Variants in SEMA3A observed in about 807,000 individuals in gnomAD.
SEMA3A encodes semaphorin 3A, also known as semaphorin-3A.
Under a neutral mutation model 97.9 loss-of-function variants are expected in SEMA3A, and 29 were observed. The ratio of observed to expected loss-of-function variants is 0.30; its 90% CI spans 0.22 to 0.40. The LOEUF (loss-of-function observed/expected upper bound fraction) is 0.40, where lower values mean the gene tolerates loss of function less well. SEMA3A is among the 10% of genes least tolerant of loss of function. The probability of loss-of-function intolerance (pLI) is 1.00; values close to 1 mark genes in which losing one functional copy is unlikely to be tolerated. For missense variants in SEMA3A, 763 were observed against 951.3 expected, an observed-to-expected ratio of 0.80 and a Z score of 2.60; for synonymous variants, 321 against 323.7, an observed-to-expected ratio of 0.99 and a Z score of 0.09.
At chr7:84,132,662 GTTTTTTTTTTTTTTT>G (rs55830654) in intron 2 of SEMA3A, among the ~76,000 whole-genome samples, 12 of 86,652 alleles carry the variant, frequency 1.4e-4, no homozygotes, top group South Asian at 9.2e-4. Context: ...TCGACTTGGT[GTTTTTTTTTTTTTTT>G]TTTTTTTTTT....
chr7:84,086,502 T>A (rs62477261), intron 4 of SEMA3A, among the ~76,000 whole-genome samples: 50 of 49,562 alleles, frequency 1.0e-3, no homozygotes, highest in Middle Eastern at 0.013. Context: ...ATATAATATA[T>A]TATTATATTA....
At chr7:84,437,054 A>C (rs993863368) in intron 1 of SEMA3A, among the ~76,000 whole-genome samples, 4 of 152,062 alleles carry the variant, frequency 2.6e-5, no homozygotes, top group African/African-American at 9.7e-5. Flanking sequence ...GCCACCTAAA[A>C]CAGCTTCTCA....
chr7:84,157,271 G>T (rs1357191633), intron 1 of SEMA3A, among the ~76,000 whole-genome samples: 2 of 152,094 alleles, frequency 1.3e-5, no homozygotes, highest in African/African-American at 4.8e-5. Context: ...AACAATGCAG[G>T]TATAACTACT....
At chr7:84,032,024 G>A (rs536379626) in intron 6 of SEMA3A, among the ~76,000 whole-genome samples, 1 of 152,132 alleles carries the variant, frequency 6.6e-6, no homozygotes, top group African/African-American at 2.4e-5. Context: ...GTCAAAAATT[G>A]TTGAATACAT....
intron 1 of SEMA3A, among the ~76,000 whole-genome samples, chr7:84,413,249 TA>T (rs1378119200): frequency 2.0e-5 from 3 of 152,170 alleles, no homozygotes; most frequent in African/African-American, 7.2e-5. Context: ...GAAGGTTTTT[TA>T]ACAATGAAAG....
At chr7:84,141,258 C>T (rs1796283229) in intron 1 of SEMA3A, among the ~76,000 whole-genome samples, 1 of 152,162 alleles carries the variant, frequency 6.6e-6, no homozygotes. Flanking sequence ...CTTACACATC[C>T]TGATCTGTTA....
intron 3 of SEMA3A, among the ~76,000 whole-genome samples, chr7:84,262,335 C>T (rs1799877347): frequency 6.6e-6 from 1 of 152,106 alleles, no homozygotes; most frequent in South Asian, 2.1e-4. Context: ...CTGCATCAGC[C>T]TCTCAAGTAG....
intron 4 of SEMA3A, among the ~76,000 whole-genome samples, chr7:84,066,182 G>A (rs933295149): frequency 1.6e-4 from 24 of 151,936 alleles, no homozygotes; most frequent in Admixed American, 9.2e-4. Context: ...CATGATTATC[G>A]CAATAGATGC....
chr7:84,292,333 T>C (rs1800769007), intron 3 of SEMA3A, among the ~76,000 whole-genome samples: 1 of 152,062 alleles, frequency 6.6e-6, no homozygotes, highest in African/African-American at 2.4e-5. Context: ...CACATGGTTT[T>C]ATTAAGATTT....
At chr7:84,464,604 A>G (rs879248932) in intron 1 of SEMA3A, among the ~76,000 whole-genome samples, 5 of 152,224 alleles carry the variant, frequency 3.3e-5, no homozygotes, top group Admixed American at 3.3e-4. Flanking sequence ...TCATGGTACA[A>G]ATTTACATTT....
At chr7:84,362,213 CTAAATAAA>C (rs545165551) in intron 2 of SEMA3A, among the ~76,000 whole-genome samples, 1 of 151,490 alleles carries the variant, frequency 6.6e-6, no homozygotes, top group African/African-American at 2.4e-5. Flanking sequence ...GAACCCCATG[CTAAATAAA>C]TAAATAAATA....
chr7:84,260,399 A>C (rs1584178485), intron 3 of SEMA3A, among the ~76,000 whole-genome samples: 1 of 151,972 alleles, frequency 6.6e-6, no homozygotes, highest in East Asian at 1.9e-4. Context: ...CGAGAGCCCC[A>C]CCCGCCACCA....
At chr7:84,150,533 G>A (rs531125014) in intron 1 of SEMA3A, among the ~76,000 whole-genome samples, 29 of 152,192 alleles carry the variant, frequency 1.9e-4, no homozygotes, top group African/African-American at 6.7e-4. Flanking sequence ...CTTTTCCGAC[G>A]GGCTTAAAAA....
chr7:84,177,408 T>G (rs559353408), intron 1 of SEMA3A, among the ~76,000 whole-genome samples: 1 of 152,206 alleles, frequency 6.6e-6, no homozygotes, highest in South Asian at 2.1e-4. Flanking sequence ...CTCTGTCCAT[T>G]ATTGTTAAAC....
At chr7:84,418,206 A>G (rs540262004) in intron 1 of SEMA3A, among the ~76,000 whole-genome samples, 1 of 152,214 alleles carries the variant, frequency 6.6e-6, no homozygotes, top group South Asian at 2.1e-4. Flanking sequence ...TGGGCAATTT[A>G]TAAAGGAAAG....
intron 1 of SEMA3A, among the ~76,000 whole-genome samples, chr7:84,381,340 A>T (rs930037025): frequency 6.6e-6 from 1 of 152,142 alleles, no homozygotes; most frequent in African/African-American, 2.4e-5. Context: ...AAGTATTCTA[A>T]CTTGAAATTC....
intron 1 of SEMA3A, among the ~76,000 whole-genome samples, chr7:84,440,864 T>A (rs138298811): frequency 1.3e-5 from 2 of 152,048 alleles, no homozygotes; most frequent in East Asian, 3.9e-4. Flanking sequence ...TATGGCCGAC[T>A]TAAAAATAAA....
At chr7:84,090,506 CA>C (rs963336161) in intron 4 of SEMA3A, among the ~76,000 whole-genome samples, 23 of 150,652 alleles carry the variant, frequency 1.5e-4, no homozygotes, top group African/African-American at 5.6e-4. Context: ...AACCTAAATG[CA>C]AAAAAAACAA....
At chr7:84,370,358 G>T (rs1802944115) in intron 2 of SEMA3A, among the ~76,000 whole-genome samples, 2 of 151,684 alleles carry the variant, frequency 1.3e-5, no homozygotes, top group African/African-American at 2.4e-5. Flanking sequence ...AATGAGCAAT[G>T]TGTGTACACA....
Sources: gnomAD v4.1 joint callset for allele counts (sites outside exome capture counted in the v4.1 genomes callset) on GRCh38, gnomAD v4.1.1 for gene constraint, MANE v1.5 for transcripts, NCBI Gene and HGNC (gene_info 2026-07-23, HGNC 2026-07-21) for gene names.